The following MRPS17 variants were observed in gnomAD, a reference collection of about 807,000 sequenced individuals.
MRPS17 encodes the protein mitochondrial ribosomal protein S17, also known as small ribosomal subunit protein uS17m.
In MRPS17, 6 loss-of-function variants were observed where a neutral mutation model predicts 11.3. The ratio of observed to expected loss-of-function variants is 0.53; its 90% confidence interval spans 0.29 to 1.05. The LOEUF (loss-of-function observed/expected upper bound fraction) is 1.05, where lower values mean the gene tolerates loss of function less well. MRPS17 is among the 50% of genes least tolerant of loss of function. The pLI, the probability that MRPS17 is intolerant of heterozygous loss-of-function variation, is 0.08. For synonymous variants in MRPS17, 56 were observed against 60.4 expected (o/e 0.93, Z 0.34); for missense variants, 139 against 153.6 (o/e 0.90, Z 0.50).
intron 1 of MRPS17, among the ~76,000 whole-genome samples, chr7:55,952,859 A>T (rs1447657377): frequency 1.3e-5 from 2 of 149,990 alleles, no homozygotes; most frequent in African/African-American, 4.9e-5. Context: ...GTGAAACTCC[A>T]TCTCTACTAA....
At chr7:55,953,453 G>C (rs534099169) in intron 2 of MRPS17, 135 bp downstream of exon 2, 77 of 1,254,802 alleles carry the variant, frequency 6.1e-5, no homozygotes, top group Non-Finnish European at 8.1e-5. Flanking sequence ...TTGCTGGTCT[G>C]TAGGTATAAC....
At chr7:55,952,944 A>G (rs1333542329) in intron 1 of MRPS17, among the ~76,000 whole-genome samples, 1 of 151,956 alleles carries the variant, frequency 6.6e-6, no homozygotes, top group Non-Finnish European at 1.5e-5. Context: ...AGGCAGGAGA[A>G]TGGCGTGAAC....
In MRPS17 at chr7:55,955,187, T is replaced by C; in HGVS notation, c.*9T>C. 5 of 1,607,728 alleles carry C rather than the reference T, an allele frequency of 3.1e-6. No homozygotes were observed. The highest frequency in any genetic ancestry group is 4.3e-6 in the Non-Finnish European group (5 of 1,176,070). ...TCTCTTCAGCACAGTGAAGCGGGAG[T>C]GGAAGAAGGATCTAAAGGGAAAAAC... On this transcript the variant is annotated 3_prime_UTR_variant, in exon 3 of 3. Transcript: ENST00000285298.
chr7:55,953,077 A>G, intron 1 of MRPS17, 102 bp from the exon 2 acceptor site: 1 of 1,364,640 alleles, frequency 7.3e-7, no homozygotes, highest in Non-Finnish European at 1.0e-6. Flanking sequence ...GGGGAACGAA[A>G]AAGAAAAAAA....
At chr7:55,954,480 C>A (rs1786698770) in intron 2 of MRPS17, among the ~76,000 whole-genome samples, 1 of 152,176 alleles carries the variant, frequency 6.6e-6, no homozygotes, top group South Asian at 2.1e-4. Context: ...GTAATCCCAG[C>A]ACTTTGGGAG....
Position 55,953,327 on chromosome 7 carries a change from C to G in MRPS17, c.123+9C>G. ...ATCCCTATTTATTAAAGGTGAGAAA[C>G]ATTCTTGTTTCCGGGTGGCTTTGGT... On this transcript the variant is annotated intron_variant, in intron 2 of 2. Transcript: ENST00000285298. 1 of 1,612,854 alleles carries G rather than the reference C, an allele frequency of 6.2e-7. No homozygotes were observed.
rs1472703909 is a variant in MRPS17, at chr7:55,956,312, T to A, written c.*1134T>A. 6.6e-6 allele frequency: 1 copy of A among 151,882 alleles called. No homozygotes were observed. The allele number at this position is 151,882 out of a possible 1,614,324, so 9.4% of individuals were successfully genotyped here. ...TTTTGTATTTTTAGTAGGGATGGGGTTTCTCCATGTTTGTCAGGCTAGTCT... is the reference window on the plus strand; with the variant it reads ...TTTTGTATTTTTAGTAGGGATGGGGATTCTCCATGTTTGTCAGGCTAGTCT... On this transcript the variant is annotated 3_prime_UTR_variant, in exon 3 of 3. Transcript: ENST00000285298.
intron 2 of MRPS17, among the ~76,000 whole-genome samples, chr7:55,954,431 GA>G (rs1424520835): frequency 3.3e-5 from 5 of 152,052 alleles, no homozygotes; most frequent in African/African-American, 1.2e-4. Flanking sequence ...TTGTTATAAA[GA>G]ATAGGTGATT....
Position 55,955,310 on chromosome 7 carries a change from GAAGTA to G in MRPS17, c.*136_*140del. 1 of 1,094,190 alleles carries G rather than the reference GAAGTA, an allele frequency of 9.1e-7. No homozygotes were observed. The highest frequency in any genetic ancestry group is 1.3e-6 in the Non-Finnish European group (1 of 769,508). 67.8% of individuals were successfully genotyped at this position (1,094,190 alleles called of 1,614,324 possible). A position where few individuals can be genotyped will look rare whatever the true frequency, so the allele number is the denominator to read the frequency against. On this transcript the variant is annotated 3_prime_UTR_variant, in exon 3 of 3. Transcript: ENST00000285298. ...GTTTATGAAATAGCTAAAAGCAAAT[GAAGTA>G]AAGGGCATACTATGGTTTTTCACAA... is the stretch of plus-strand genomic sequence containing the variant.
At chr7:55,954,609 T>C (rs781406648) in intron 2 of MRPS17, among the ~76,000 whole-genome samples, 14 of 152,164 alleles carry the variant, frequency 9.2e-5, no homozygotes, top group Non-Finnish European at 2.1e-4. Context: ...GGCAGGCACC[T>C]GTAATTCCAG....
chr7:55,953,421 C>A, intron 2 of MRPS17, 103 bp downstream of exon 2: 1 of 1,505,692 alleles, frequency 6.6e-7, no homozygotes, highest in Non-Finnish European at 9.0e-7. Context: ...TCTTGTCTCT[C>A]ATCTGCTTTG....
Position 55,955,167 on chromosome 7 carries a change from T to G in MRPS17, c.382T>G (p.Ser128Ala). The G allele has an allele frequency of 1.2e-6, 2 of 1,613,532 alleles. No individual in the cohort carries two copies. The highest frequency in any genetic ancestry group is 1.7e-6 in the Non-Finnish European group (2 of 1,179,558). ...AAATCTGGAAGAACTCAATATCTCT[T>G]CAGCACAGTGAAGCGGGAGTGGAAG... ...SKNLEELNIS[S>A]AQ Residue 128 changes from serine (S) to alanine (A), a missense_variant, in exon 3 of 3, where the codon TCA becomes GCA. By Grantham distance (99) the Ser-to-Ala change is moderately conservative (BLOSUM62 1). Coordinates refer to ENST00000285298, the MANE Select transcript of MRPS17 (RefSeq NM_015969.3).
At chr7:55,952,092 C>T (rs1289625333) in intron 1 of MRPS17, 162 bp downstream of exon 1, 1 of 151,542 alleles carries the variant, frequency 6.6e-6, no homozygotes, top group Admixed American at 6.6e-5. Context: ...CCAACCTTTC[C>T]GAAGCCTGGT....
chr7:55,952,277 G>A (rs1318743106), intron 1 of MRPS17: 1 of 152,318 alleles, frequency 6.6e-6, no homozygotes, highest in Non-Finnish European at 1.5e-5. Flanking sequence ...TTTGTCCGTG[G>A]TATTGAGCGT....
In MRPS17 at chr7:55,956,439, C is replaced by T. The variant is rs1351900155; in HGVS notation, c.*1261C>T. 1 of 152,016 alleles carries T rather than the reference C, an allele frequency of 6.6e-6. No individual in the cohort carries two copies. Among genetic ancestry groups the T allele is most frequent in the Non-Finnish European group, 1.5e-5 (1 of 67,990 alleles). The allele number at this position is 152,016 out of a possible 1,614,324, so 9.4% of individuals were successfully genotyped here. On this transcript the variant is annotated 3_prime_UTR_variant, in exon 3 of 3. Transcript: ENST00000285298. ...TAATGACCAGCCACTGGTCAGAATTCTTTCAATCAAGCTGTGTTAATAAGA... is the reference window on the plus strand; with the variant it reads ...TAATGACCAGCCACTGGTCAGAATTTTTTCAATCAAGCTGTGTTAATAAGA...
Position 55,953,373 on chromosome 7 carries a change from G to T in MRPS17, c.123+55G>T, listed in dbSNP as rs1363922881. ...TTGGTAAATCACCACCATGTCCTGG[G>T]TCCTAAGCAAAAAAACATTTATCTC... On this transcript the variant is annotated intron_variant, in intron 2 of 2. Transcript: ENST00000285298. 3 of 1,592,092 alleles carry T rather than the reference G, an allele frequency of 1.9e-6. No individual in the cohort carries two copies. In the African/African-American group the frequency reaches 4.1e-5, roughly 22 times the overall value.
chr7:55,954,899 C>A lies in MRPS17; in HGVS notation c.124-10C>A. ...GAACTACTGATTTGCTTCTCTCCCT[C>A]TCTCAACAGTATTTTAATAAGCGGA... On this transcript the variant is annotated splice_polypyrimidine_tract_variant and intron_variant, in intron 2 of 2. Transcript: ENST00000285298. 6.2e-7 allele frequency: 1 copy of A among 1,610,580 alleles called. No individual in the cohort carries two copies. Among genetic ancestry groups the A allele is most frequent in the Non-Finnish European group, 8.5e-7 (1 of 1,177,342 alleles).
intron 1 of MRPS17, 68 bp downstream of exon 1, chr7:55,951,998 C>G (rs1365686411): frequency 6.6e-6 from 1 of 152,394 alleles, no homozygotes; most frequent in Non-Finnish European, 1.5e-5. Context: ...TTGCTGGGGA[C>G]CCAAGGCACC....
chr7:55,952,674 G>A (rs898988042), intron 1 of MRPS17, among the ~76,000 whole-genome samples: 2 of 151,648 alleles, frequency 1.3e-5, no homozygotes, highest in African/African-American at 4.8e-5. Context: ...GGCGGAGGTT[G>A]CAGTGAGCCG....
Sources: allele counts gnomAD v4.1 joint callset (sites outside exome capture counted in the v4.1 genomes callset), GRCh38; gene constraint gnomAD v4.1.1; transcripts MANE v1.5; gene names NCBI Gene and HGNC (gene_info 2026-07-23, HGNC 2026-07-21).